UFL1: variants seen among roughly 807,000 people sequenced by gnomAD.
UFL1 encodes E3 UFM1-protein ligase 1.
UFL1 carries 78 observed loss-of-function variants against 99.3 expected under a neutral mutation model. The observed-to-expected ratio is 0.79, with a 90% CI of 0.65 to 0.95. The LOEUF is 0.95. Ranked by LOEUF, UFL1 falls within the 40% of genes least tolerant of loss-of-function variation. The pLI, the probability that UFL1 is intolerant of heterozygous loss-of-function variation, is 0.00. For synonymous variants in UFL1, 335 were observed against 322.2 expected (o/e 1.04, Z -0.42); for missense variants, 936 against 937.0 (o/e 1.00, Z 0.01).
At chr6:96,525,268 C>A in intron 3 of UFL1, 29 bp from the exon 4 acceptor site, 1 of 1,441,540 alleles carries the variant, frequency 6.9e-7, no homozygotes, top group Non-Finnish European at 9.7e-7. Flanking sequence ...ACAAACTAAT[C>A]ATTAATAGAT....
intron 17 of UFL1, among the ~76,000 whole-genome samples, chr6:96,552,173 G>T (rs941036694): frequency 6.6e-6 from 1 of 151,980 alleles, no homozygotes; most frequent in African/African-American, 2.4e-5. Flanking sequence ...CTTTTTATTA[G>T]CTTGGGGACT....
chr6:96,528,503 C>T lies in UFL1; in HGVS notation c.467C>T (p.Ala156Val). 6.2e-7 allele frequency: 1 copy of T among 1,612,428 alleles called. No homozygotes were observed. The highest frequency in any genetic ancestry group is 8.5e-7 in the Non-Finnish European group (1 of 1,179,260). ...YDLPGNFLTQALTQRLGRIIS... is the reference protein window; with the variant it reads ...YDLPGNFLTQVLTQRLGRIIS... ...AAAAATGTACATCTTTACCCACAGG[C>T]ACTAACTCAGCGACTTGGTAGAATT... The change falls in exon 6 of 19, where the codon GCA becomes GTA. Residue 156 changes from alanine (A) to valine (V), a missense_variant and splice_region_variant. Transcript: ENST00000369278.
At chr6:96,523,782 G>T (rs1008242622) in intron 2 of UFL1, among the ~76,000 whole-genome samples, 18 of 152,006 alleles carry the variant, frequency 1.2e-4, no homozygotes, top group African/African-American at 4.3e-4. Flanking sequence ...GCACAAAGTT[G>T]GTTTCCTTTG....
chr6:96,537,974 T>TC (rs1420321274), intron 9 of UFL1, among the ~76,000 whole-genome samples: 1 of 151,870 alleles, frequency 6.6e-6, no homozygotes. Context: ...GATCTGCCCT[T>TC]CAGTATGCCA....
chr6:96,531,524 C>G (rs1008728075), intron 6 of UFL1, among the ~76,000 whole-genome samples: 1 of 152,122 alleles, frequency 6.6e-6, no homozygotes. Flanking sequence ...TCTCTTTATT[C>G]CATGTAGGCT....
At chr6:96,544,472 A>G (rs1159275754) in intron 12 of UFL1, among the ~76,000 whole-genome samples, 1 of 151,010 alleles carries the variant, frequency 6.6e-6, no homozygotes, top group African/African-American at 2.4e-5. Context: ...AATTCATTAC[A>G]TACGGGCTAT....
chr6:96,523,229 A>G lies in UFL1; in HGVS notation c.161A>G (p.Lys54Arg), dbSNP rs1355412386. ...QLEVVHTLDG[K>R]EYITPAQISK... ...GAAGTAGTTCATACACTCGATGGAA[A>G]GGAATATATTACTCCAGCCCAAATT... The change falls in exon 2 of 19, where the codon AAG (lysine) becomes AGG (arginine). Residue 54 changes from lysine (K) to arginine (R), a missense_variant. Transcript: ENST00000369278. 10 of 1,613,342 alleles carry G rather than the reference A, an allele frequency of 6.2e-6. No individual in the cohort carries two copies. Among genetic ancestry groups the G allele is most frequent in the Non-Finnish European group, 8.5e-6 (10 of 1,179,664 alleles).
chr6:96,531,348 A>C (rs1451010339), intron 6 of UFL1, among the ~76,000 whole-genome samples: 1 of 152,184 alleles, frequency 6.6e-6, no homozygotes, highest in African/African-American at 2.4e-5. Context: ...CCAATACCGT[A>C]AGTTTCATTT....
At chr6:96,528,288 T>C (rs1769730536) in intron 5 of UFL1, among the ~76,000 whole-genome samples, 1 of 152,162 alleles carries the variant, frequency 6.6e-6, no homozygotes, top group Non-Finnish European at 1.5e-5. Context: ...AGCAAGCAAT[T>C]TGACTCATTT....
chr6:96,548,187 T>A lies in UFL1; in HGVS notation c.1426T>A (p.Phe476Ile). 1 of 1,601,352 alleles carries A rather than the reference T, an allele frequency of 6.2e-7. No individual in the cohort carries two copies. Among genetic ancestry groups the A allele is most frequent in the Non-Finnish European group, 8.5e-7 (1 of 1,173,272 alleles). ...AGGAAAGAAGAAGCCAGAGATCAGT[T>A]TTATGTTCCAGGATGAGATTGAAGA... Reference protein sequence around the residue: ...HTGKKKPEISFMFQDEIEDFL... With the variant: ...HTGKKKPEISIMFQDEIEDFL... Residue 476 changes from phenylalanine (F) to isoleucine (I), a missense_variant, in exon 13 of 19, where the codon TTT (phenylalanine) becomes ATT (isoleucine). By Grantham distance (21) the Phe-to-Ile change is conservative. Coordinates refer to ENST00000369278, the MANE Select transcript of UFL1 (RefSeq NM_015323.5).
intron 6 of UFL1, among the ~76,000 whole-genome samples, chr6:96,533,672 A>C (rs1157315978): frequency 6.6e-6 from 1 of 151,956 alleles, no homozygotes; most frequent in African/African-American, 2.4e-5. Context: ...AAATGTATTA[A>C]GATCATTGAA....
intron 7 of UFL1, among the ~76,000 whole-genome samples, chr6:96,534,597 A>C (rs1007654657): frequency 6.6e-6 from 1 of 151,892 alleles, no homozygotes; most frequent in African/African-American, 2.4e-5. Flanking sequence ...ATACATGTAC[A>C]TATAGAGATT....
At position 96,529,509 on chromosome 6, in the gene UFL1, TCC is replaced by T. The variant is rs567495141; in HGVS notation, c.596+878_596+879del. 4.9e-3 allele frequency among the ~76,000 whole-genome samples: 739 copies of T among 152,326 alleles called. 4 individuals are homozygous for T. Among genetic ancestry groups the T allele is most frequent in the African/African-American group, 0.017 (700 of 41,570 alleles). On this transcript the variant is annotated intron_variant, in intron 6 of 18. Transcript: ENST00000369278. ...TTATCTGTAAGTCTAATGGATACTT[TCC>T]GTTTATTTGACTTGACTTTGCAGCA... is the stretch of plus-strand genomic sequence containing the variant.
chr6:96,524,533 A>G lies in UFL1; in HGVS notation c.252+123A>G, dbSNP rs552241146. The G allele has an allele frequency of 1.2e-5, 8 of 647,884 alleles. No homozygotes were observed. The African/African-American group carries it at 1.5e-4, about 12-fold the overall frequency. The allele number at this position is 647,884 out of a possible 1,614,324, so 40.1% of individuals were successfully genotyped here. ...GTAGTGTTTATAAAGAAATAGTTATATAAGCCTCGCTGATACACTGAATTG... is the reference window on the plus strand; with the variant it reads ...GTAGTGTTTATAAAGAAATAGTTATGTAAGCCTCGCTGATACACTGAATTG... On this transcript the variant is annotated intron_variant, in intron 3 of 18. Transcript: ENST00000369278.
At chr6:96,524,145 T>C (rs758222153) in intron 2 of UFL1, among the ~76,000 whole-genome samples, 6 of 151,554 alleles carry the variant, frequency 4.0e-5, no homozygotes, top group Non-Finnish European at 7.4e-5. Context: ...CAGTTGGTGC[T>C]CATAATTGGC....
chr6:96,540,719 T>C (rs1769919616), intron 11 of UFL1, 64 bp downstream of exon 11: 1 of 1,543,812 alleles, frequency 6.5e-7, no homozygotes, highest in Admixed American at 2.1e-5. Flanking sequence ...TTTGCATTTA[T>C]CACATTTATT....
Position 96,548,233 on chromosome 6 carries a change from A to G in UFL1, c.1472A>G (p.Gln491Arg). ...EIEDFLRKHI[Q>R]DAPEEFISEL... is the part of the protein sequence containing the mutation. Reference sequence around the variant, plus strand: ...GAAGATTTTTTAAGAAAACACATACAAGATGCCCCTGAGGAGTTTATTTCG... The same window carrying G: ...GAAGATTTTTTAAGAAAACACATACGAGATGCCCCTGAGGAGTTTATTTCG... The change falls in exon 13 of 19, where the codon CAA (glutamine) becomes CGA (arginine). Residue 491 changes from glutamine to arginine, a missense_variant. Gln to Arg is a conservative substitution (Grantham distance 43). Coordinates refer to ENST00000369278, the MANE Select transcript of UFL1 (RefSeq NM_015323.5). 6.2e-7 allele frequency: 1 copy of G among 1,608,092 alleles called. No individual in the cohort carries two copies. The highest frequency in any genetic ancestry group is 2.2e-5 in the East Asian group (1 of 44,604).
intron 12 of UFL1, among the ~76,000 whole-genome samples, chr6:96,545,455 G>T (rs1769986161): frequency 6.6e-6 from 1 of 150,682 alleles, no homozygotes; most frequent in Non-Finnish European, 1.5e-5. Flanking sequence ...ATAAATTATA[G>T]AATTCTGAGA....
At chr6:96,532,379 C>T (rs1203708925) in intron 6 of UFL1, among the ~76,000 whole-genome samples, 1 of 152,166 alleles carries the variant, frequency 6.6e-6, no homozygotes, top group Non-Finnish European at 1.5e-5. Flanking sequence ...AGGACCTAGA[C>T]CTTGTTGGTT....
Sources: allele counts gnomAD v4.1 joint callset (sites outside exome capture counted in the v4.1 genomes callset), GRCh38; gene constraint gnomAD v4.1.1; transcripts MANE v1.5; gene names NCBI Gene and HGNC (gene_info 2026-07-23, HGNC 2026-07-21).